COL20A1: variants seen among roughly 807,000 people sequenced by gnomAD.
The protein encoded by COL20A1 is collagen alpha-1(XX) chain.
In COL20A1, 164 loss-of-function variants were observed where a neutral mutation model predicts 152.9. The observed-to-expected ratio is 1.07, with a 90% CI of 0.94 to 1.22. The LOEUF (loss-of-function observed/expected upper bound fraction) is 1.22, where lower values mean the gene tolerates loss of function less well. Ranked by LOEUF, COL20A1 falls within the 50% of genes most tolerant of loss-of-function variation. COL20A1 has a pLI of 0.00. For missense variants in COL20A1, 1,873 were observed against 1,744.8 expected, an observed-to-expected ratio of 1.07 and a Z score of -1.31; for synonymous variants, 864 against 756.0, an observed-to-expected ratio of 1.14 and a Z score of -2.34.
In COL20A1 at chr20:63,310,396, C is replaced by T. The variant is rs766156628; in HGVS notation, c.1279C>T (p.Pro427Ser). 1 of 1,610,776 alleles carries T rather than the reference C, an allele frequency of 6.2e-7. No individual in the cohort carries two copies. Among genetic ancestry groups the T allele is most frequent in the East Asian group, 2.2e-5 (1 of 44,814 alleles). Residue 427 changes from proline to serine, a missense_variant, in exon 11 of 36, where the codon CCC becomes TCC. By Grantham distance (74) the Pro-to-Ser change is moderately conservative. Transcript: ENST00000358894. ...TCTGTTCCAGGTGGTGGTGGAGGGA[C>T]CCGCCGCCTCCACGGAGCTGCACAA... Reference protein sequence around the residue: ...GTPREVVVEGPAASTELHNLA... With the variant: ...GTPREVVVEGSAASTELHNLA...
At position 63,324,937 on chromosome 20, in the gene COL20A1, T is replaced by C. The variant is rs2068221031; in HGVS notation, c.3295-504T>C. On this transcript the variant is annotated intron_variant, in intron 27 of 35. Transcript: ENST00000358894. ...TTGGCCTGTGGGGGTCTCTGGCTTTTCCTCGGTGATTTCTGCAGCGCCCCC... is the reference window on the plus strand; with the variant it reads ...TTGGCCTGTGGGGGTCTCTGGCTTTCCCTCGGTGATTTCTGCAGCGCCCCC... 3 of 244,014 alleles carry C rather than the reference T, an allele frequency of 1.2e-5. No individual in the cohort carries two copies. In the Admixed American group the frequency reaches 1.6e-4, roughly 13 times the overall value. The allele number at this position is 244,014 out of a possible 1,614,324, so 15.1% of individuals were successfully genotyped here.
rs2067961301 is a variant in COL20A1, at chr20:63,308,579, G to T, written c.813G>T (p.Gln271His). ...CCCACGTGCTGGGGCAGAACCTGCAGCCGGCGGCTGGCCTCCGTCCAGAGG... is the reference window on the plus strand; with the variant it reads ...CCCACGTGCTGGGGCAGAACCTGCATCCGGCGGCTGGCCTCCGTCCAGAGG... ...ALTHVLGQNLQPAAGLRPEAA... is the reference protein window; with the variant it reads ...ALTHVLGQNLHPAAGLRPEAA... The change falls in exon 8 of 36, where the codon CAG (glutamine) becomes CAT (histidine). Residue 271 changes from glutamine (Q) to histidine (H), a missense_variant. Gln to His is a conservative substitution (Grantham distance 24). Transcript: ENST00000358894. The T allele has an allele frequency of 3.7e-6, 6 of 1,605,102 alleles. No individual in the cohort carries two copies. The East Asian group carries it at 1.3e-4, about 36-fold the overall frequency.
chr20:63,323,606 T>C (rs1201509742), intron 27 of COL20A1, among the ~76,000 whole-genome samples: 4 of 152,186 alleles, frequency 2.6e-5, no homozygotes, highest in Non-Finnish European at 5.9e-5. Flanking sequence ...AGTCGTTCAT[T>C]ACACAGCCAG....
chr20:63,315,526 G>C, intron 20 of COL20A1, 87 bp downstream of exon 20: 1 of 1,218,408 alleles, frequency 8.2e-7, no homozygotes, highest in South Asian at 1.5e-5. Flanking sequence ...TCGTGACCTG[G>C]GACCCAGTGG....
At chr20:63,325,316 C>A in intron 27 of COL20A1, 125 bp from the exon 28 acceptor site, 1 of 770,382 alleles carries the variant, frequency 1.3e-6, no homozygotes, top group Non-Finnish European at 2.3e-6. Context: ...GTCCTGGAGG[C>A]CAGCAGGGCT....
Position 63,305,841 on chromosome 20 carries a change from C to T in COL20A1, c.338-40C>T. The stretch of plus-strand genomic sequence containing the variant: ...TGCAGCTGCCCCAGTGGACCAGGCC[C>T]TCCACTCCCACCCTGATGGCTCTTT... On this transcript the variant is annotated intron_variant, in intron 4 of 35. Coordinates refer to ENST00000358894, the MANE Select transcript of COL20A1 (RefSeq NM_020882.4). This position sits in a 1 kb window ranked among gnomAD's most constrained non-coding sequence, Gnocchi z 4.9. 6.3e-7 allele frequency: 1 copy of T among 1,598,900 alleles called. No homozygotes were observed. The highest frequency in any genetic ancestry group is 8.6e-7 in the Non-Finnish European group (1 of 1,167,780).
At chr20:63,327,611 ACCCGGGCCCGGGG>A (rs1479955127) in intron 31 of COL20A1, 1 of 336,944 alleles carries the variant, frequency 3.0e-6, no homozygotes. Flanking sequence ...CACAGGCCTG[ACCCGGGCCCGGGG>A]CCCGGGAGGG....
intron 21 of COL20A1, among the ~76,000 whole-genome samples, chr20:63,317,942 G>A (rs373915879): frequency 2.0e-5 from 3 of 152,228 alleles, no homozygotes; most frequent in African/African-American, 7.2e-5. Flanking sequence ...GGGTGAGGTG[G>A]GAGCTCTGAT....
Position 63,311,971 on chromosome 20 carries a change from A to G in COL20A1, c.1719A>G (p.Ala573=). The change falls in exon 14 of 36, where the codon GCA becomes GCG. Residue 573 remains alanine (A), a synonymous_variant. Transcript: ENST00000358894. This position sits in a 1 kb window ranked among gnomAD's most constrained non-coding sequence, Gnocchi z 4.4. ...TCTCAGACGTGAGCCACGACGCGGC[A>G]CGAGTGTTCTGGGAGGGTGCCCCGA... The part of the protein sequence containing the change: ...LGFSDVSHDA[A]RVFWEGAPRP... The G allele has an allele frequency of 2.5e-6, 4 of 1,600,044 alleles. No homozygotes were observed. The highest frequency in any genetic ancestry group is 3.4e-6 in the Non-Finnish European group (4 of 1,175,202).
rs1568790942 is a variant in COL20A1 at position 63,328,143 on chromosome 20, A to G, written c.3613+16A>G. 6.2e-7 allele frequency: 1 copy of G among 1,612,752 alleles called. No homozygotes were observed. The highest frequency in any genetic ancestry group is 1.7e-5 in the Admixed American group (1 of 59,976). ...AGCCAGGCCTGTGAGTCTGCCATTCAGAGTGAGTGAGGCCAGCAGCCCTGC... is the reference window on the plus strand; with the variant it reads ...AGCCAGGCCTGTGAGTCTGCCATTCGGAGTGAGTGAGGCCAGCAGCCCTGC... On this transcript the variant is annotated intron_variant, in intron 33 of 35. Coordinates refer to ENST00000358894, the MANE Select transcript of COL20A1 (RefSeq NM_020882.4).
chr20:63,319,954 CTCCCCAGCCCTGGCCTGGCCT>C lies in COL20A1; in HGVS notation c.2917-83_2917-63del. ...CCCCAGGTCCCAGGGATGGGTGTTA[CTCCCCAGCCCTGGCCTGGCCT>C]TGGGGGCTCAGGTGGGCACCGGCCC... is the stretch of plus-strand genomic sequence containing the variant. On this transcript the variant is annotated intron_variant, in intron 23 of 35. Coordinates refer to ENST00000358894, the MANE Select transcript of COL20A1 (RefSeq NM_020882.4). The surrounding 1 kb of genome is among the most constrained non-coding windows in gnomAD (Gnocchi z 4.4). 1.6e-6 allele frequency: 2 copies of C among 1,284,290 alleles called. No individual in the cohort carries two copies. The highest frequency in any genetic ancestry group is 2.1e-6 in the Non-Finnish European group (2 of 966,568). 79.6% of individuals were successfully genotyped at this position (1,284,290 alleles called of 1,614,324 possible). A position where few individuals can be genotyped will look rare whatever the true frequency, so the allele number is the denominator to read the frequency against.
In COL20A1 at chr20:63,325,650, C is replaced by T; in HGVS notation, c.3349-18C>T. The T allele has an allele frequency of 1.9e-6, 3 of 1,603,178 alleles. 1 individual carries two copies. In the South Asian group the frequency reaches 3.3e-5, roughly 18 times the overall value. On this transcript the variant is annotated intron_variant, in intron 28 of 35. Coordinates refer to ENST00000358894, the MANE Select transcript of COL20A1 (RefSeq NM_020882.4). ...TGACCCTGGCCCCTGCCTGGCCGGC[C>T]CCTCTGTTCTCTCCCAGGGCCACCC...
chr20:63,312,332 G>T, intron 14 of COL20A1, 88 bp from the exon 15 acceptor site: 1 of 1,384,488 alleles, frequency 7.2e-7, no homozygotes, highest in South Asian at 1.5e-5. Flanking sequence ...GGGTAGTCCT[G>T]GCTGCAGGTG....
intron 31 of COL20A1, chr20:63,327,614 C>T (rs1214707259): frequency 1.5e-5 from 5 of 341,656 alleles, no homozygotes; most frequent in Admixed American, 8.5e-5. Context: ...AGGCCTGACC[C>T]GGGCCCGGGG....
chr20:63,313,604 G>A lies in COL20A1; in HGVS notation c.2210-139G>A, dbSNP rs997301529. Reference sequence around the variant, plus strand: ...TGTGGTTGTGCCAGGGGGGTGATGCGGGCTGTGGTAGGGGTGTGGCATGAT... The same window carrying A: ...TGTGGTTGTGCCAGGGGGGTGATGCAGGCTGTGGTAGGGGTGTGGCATGAT... On this transcript the variant is annotated intron_variant, in intron 17 of 35. Coordinates refer to ENST00000358894, the MANE Select transcript of COL20A1 (RefSeq NM_020882.4). This position sits in a 1 kb window ranked among gnomAD's most constrained non-coding sequence, Gnocchi z 5.9. 21 of 833,718 alleles carry A rather than the reference G, an allele frequency of 2.5e-5. No homozygotes were observed. The African/African-American group carries it at 2.9e-4, about 12-fold the overall frequency. The allele number at this position is 833,718 out of a possible 1,614,324, so 51.6% of individuals were successfully genotyped here. A position where few individuals can be genotyped will look rare whatever the true frequency, so the allele number is the denominator to read the frequency against.
intron 10 of COL20A1, 44 bp from the exon 11 acceptor site, chr20:63,310,337 C>T (rs371604036): frequency 1.7e-5 from 28 of 1,601,710 alleles, no homozygotes; most frequent in Middle Eastern, 1.8e-4. Flanking sequence ...CCCCATCCCC[C>T]GGCACCCCCC....
intron 3 of COL20A1, among the ~76,000 whole-genome samples, chr20:63,304,252 C>T (rs1288791947): frequency 7.6e-5 from 5 of 65,444 alleles, no homozygotes; most frequent in South Asian, 7.8e-4. Context: ...TCCCTCCCTT[C>T]CTCCCTCCAG....
chr20:63,322,439 C>A (rs2068177976), intron 27 of COL20A1, among the ~76,000 whole-genome samples: 1 of 152,228 alleles, frequency 6.6e-6, no homozygotes, highest in Non-Finnish European at 1.5e-5. Context: ...GTCCTATTGG[C>A]CCTGAAGGCC....
In COL20A1 at chr20:63,306,041, T is replaced by A; in HGVS notation, c.496+2T>A. ...CAAGCCAGGATCCGCGCACTCCTGG[T>A]GGGTCAGAGTGGAGAGAGAGTAAGT... On this transcript the variant is annotated splice_donor_variant, in intron 5 of 35. Transcript: ENST00000358894. LOFTEE classifies it high-confidence loss of function. This position sits in a 1 kb window ranked among gnomAD's most constrained non-coding sequence, Gnocchi z 6.9. 1 of 1,597,834 alleles carries A rather than the reference T, an allele frequency of 6.3e-7. No homozygotes were observed. The highest frequency in any genetic ancestry group is 8.5e-7 in the Non-Finnish European group (1 of 1,173,712).
Sources: allele counts gnomAD v4.1 joint callset (sites outside exome capture counted in the v4.1 genomes callset), GRCh38; gene constraint gnomAD v4.1.1; non-coding constraint Gnocchi (gnomAD v3.1); transcripts MANE v1.5; gene names NCBI Gene and HGNC (gene_info 2026-07-23, HGNC 2026-07-21).